Variants in OSBPL10 observed in about 807,000 individuals in gnomAD.
OSBPL10 encodes the protein oxysterol binding protein like 10, also known as oxysterol-binding protein-related protein 10.
OSBPL10 carries 49 observed loss-of-function variants against 81.7 expected under a neutral mutation model. That is an observed-to-expected ratio of 0.60 (90% CI 0.48 to 0.76). The LOEUF (loss-of-function observed/expected upper bound fraction) is 0.76, where lower values mean the gene tolerates loss of function less well. Among genes scored for constraint, OSBPL10 ranks in the 30% least tolerant of loss-of-function variants. The pLI is 0.00. For synonymous variants in OSBPL10, 419 were observed against 383.6 expected (o/e 1.09, Z -1.08); for missense variants, 923 against 987.8 (o/e 0.93, Z 0.88).
At chr3:31,706,908 C>T (rs1184558587) in intron 6 of OSBPL10, among the ~76,000 whole-genome samples, 3 of 152,162 alleles carry the variant, frequency 2.0e-5, no homozygotes, top group Non-Finnish European at 2.9e-5. Flanking sequence ...TTTCCTGGCA[C>T]TTCACTCCTG....
At chr3:31,775,086 C>T (rs1178036979) in intron 4 of OSBPL10, among the ~76,000 whole-genome samples, 2 of 151,886 alleles carry the variant, frequency 1.3e-5, no homozygotes, top group African/African-American at 2.4e-5. Context: ...GCAGGAGAAT[C>T]GTTTGAACTC....
chr3:31,818,734 C>T (rs1575564871), intron 4 of OSBPL10, among the ~76,000 whole-genome samples: 1 of 152,304 alleles, frequency 6.6e-6, no homozygotes, highest in East Asian at 1.9e-4. Context: ...AGTGGCCCTC[C>T]TGAGTGGAAT....
At chr3:31,874,202 C>G (rs1469178617) in intron 3 of OSBPL10, among the ~76,000 whole-genome samples, 1 of 151,568 alleles carries the variant, frequency 6.6e-6, no homozygotes, top group African/African-American at 2.4e-5. Flanking sequence ...AAGTTGGTTC[C>G]CCTACCTCAA....
chr3:31,825,042 G>A (rs1330560766), intron 4 of OSBPL10, among the ~76,000 whole-genome samples: 1 of 152,148 alleles, frequency 6.6e-6, no homozygotes, highest in Non-Finnish European at 1.5e-5. Context: ...AGGGTTGGGG[G>A]ATGGAGGAGT....
chr3:31,839,465 C>T (rs1450962233), intron 3 of OSBPL10, among the ~76,000 whole-genome samples: 1 of 152,032 alleles, frequency 6.6e-6, no homozygotes, highest in African/African-American at 2.4e-5. Context: ...CCTCCCCACC[C>T]ACCACCCCCT....
intron 2 of OSBPL10, among the ~76,000 whole-genome samples, chr3:31,988,281 C>G (rs954250172): frequency 6.6e-6 from 1 of 152,138 alleles, no homozygotes; most frequent in Admixed American, 6.5e-5. Flanking sequence ...ACCTGAGGAG[C>G]CTCTCCTACC....
At chr3:31,773,815 C>T (rs753963039) in intron 4 of OSBPL10, among the ~76,000 whole-genome samples, 2 of 152,340 alleles carry the variant, frequency 1.3e-5, no homozygotes, top group Middle Eastern at 3.4e-3. Flanking sequence ...TGGCATCTCT[C>T]TTGAAAGCTT....
At chr3:31,788,453 T>G (rs1157205145) in intron 4 of OSBPL10, among the ~76,000 whole-genome samples, 1 of 152,230 alleles carries the variant, frequency 6.6e-6, no homozygotes, top group African/African-American at 2.4e-5. Context: ...ATATAATTCT[T>G]GATCTTGTTT....
intron 1 of OSBPL10, among the ~76,000 whole-genome samples, chr3:31,881,587 T>G (rs1308243586): frequency 6.6e-6 from 1 of 152,206 alleles, no homozygotes; most frequent in African/African-American, 2.4e-5. Flanking sequence ...TCCAGTATGA[T>G]TCCAAGGTTT....
intron 2 of OSBPL10, among the ~76,000 whole-genome samples, chr3:32,014,132 C>G (rs1222789642): frequency 2.0e-5 from 3 of 151,998 alleles, no homozygotes; most frequent in South Asian, 2.1e-4. Context: ...GCCTGGCAGA[C>G]ACACAACAAA....
chr3:31,977,071 A>G (rs1698713026), intron 1 of OSBPL10, among the ~76,000 whole-genome samples: 1 of 152,154 alleles, frequency 6.6e-6, no homozygotes, highest in Admixed American at 6.5e-5. Flanking sequence ...ACTAGGGGTA[A>G]GCACCTCAAA....
intron 2 of OSBPL10, chr3:31,990,918 G>C (rs990326162): frequency 1.9e-6 from 3 of 1,574,986 alleles, no homozygotes; most frequent in Non-Finnish European, 2.6e-6. Context: ...TTAGACATCA[G>C]AGAATCCATA....
chr3:31,684,095 A>C lies in OSBPL10; in HGVS notation c.1265T>G (p.Ile422Ser), dbSNP rs1559414525. 6.2e-7 allele frequency: 1 copy of C among 1,613,470 alleles called. No individual in the cohort carries two copies. Residue 422 changes from isoleucine (I) to serine (S), a missense_variant, in exon 8 of 12, where the codon ATC becomes AGC. Physicochemically the swap from Ile to Ser is moderately radical, Grantham distance 142. Transcript: ENST00000396556. ...CTCCAGCAAAGATCGCTTCTCCAGG[A>C]TAAAGGTGGGAAGCACCACCTGCAT... ...DLTKVVLPTF[I>S]LEKRSLLEMY...
chr3:32,053,821 A>C (rs889832332), intron 1 of OSBPL10, among the ~76,000 whole-genome samples: 19 of 152,100 alleles, frequency 1.2e-4, no homozygotes, highest in African/African-American at 2.9e-4. Context: ...TAAAAATACA[A>C]AAATTAGCTG....
chr3:31,784,641 G>A (rs1698813640), intron 4 of OSBPL10, among the ~76,000 whole-genome samples: 1 of 152,068 alleles, frequency 6.6e-6, no homozygotes, highest in Non-Finnish European at 1.5e-5. Flanking sequence ...GGAGTACAGT[G>A]GTGCGTTCTT....
chr3:31,977,724 G>A (rs892775654), intron 1 of OSBPL10, among the ~76,000 whole-genome samples: 2 of 151,808 alleles, frequency 1.3e-5, no homozygotes, highest in African/African-American at 4.8e-5. Flanking sequence ...ATTTTTTATT[G>A]TTGTTCATTT....
At chr3:31,814,381 G>A (rs1425885837) in intron 4 of OSBPL10, among the ~76,000 whole-genome samples, 1 of 152,220 alleles carries the variant, frequency 6.6e-6, no homozygotes, top group African/African-American at 2.4e-5. Flanking sequence ...AAGTCCACCG[G>A]AACCTGAGGA....
At chr3:31,919,087 C>T (rs1245195139) in intron 1 of OSBPL10, among the ~76,000 whole-genome samples, 1 of 152,158 alleles carries the variant, frequency 6.6e-6, no homozygotes, top group Non-Finnish European at 1.5e-5. Flanking sequence ...TCATACTGTA[C>T]CTTCTACCCA....
intron 3 of OSBPL10, among the ~76,000 whole-genome samples, chr3:31,856,228 T>C (rs554060450): frequency 3.3e-5 from 5 of 152,136 alleles, no homozygotes; most frequent in South Asian, 2.1e-4. Context: ...GGAGAAGGTA[T>C]GCAAAATTGT....
Sources: gnomAD v4.1 joint callset for allele counts (sites outside exome capture counted in the v4.1 genomes callset) on GRCh38, gnomAD v4.1.1 for gene constraint, MANE v1.5 for transcripts, NCBI Gene and HGNC (gene_info 2026-07-23, HGNC 2026-07-21) for gene names.